Variants in SEMA5A observed in about 807,000 individuals in gnomAD.
SEMA5A encodes semaphorin 5A.
Under a neutral mutation model 135.5 loss-of-function variants are expected in SEMA5A, and 55 were observed. The observed-to-expected ratio is 0.41, with a 90% CI of 0.33 to 0.51. The LOEUF (loss-of-function observed/expected upper bound fraction) is 0.51. Ranked by LOEUF, SEMA5A falls within the 20% of genes least tolerant of loss-of-function variation. The pLI, the probability that SEMA5A is intolerant of heterozygous loss-of-function variation, is 0.37. For missense variants in SEMA5A, 1,290 were observed against 1,419.9 expected (o/e 0.91, Z 1.47); for synonymous variants, 580 against 546.5 (o/e 1.06, Z -0.85).
intron 1 of SEMA5A, among the ~76,000 whole-genome samples, chr5:9,495,476 A>G (rs764819565): frequency 1.2e-4 from 19 of 152,206 alleles, no homozygotes; most frequent in Admixed American, 1.3e-4. Context: ...GTTTAGAAAT[A>G]GAATCTGTGC....
At chr5:9,406,911 G>C (rs1348104985) in intron 2 of SEMA5A, among the ~76,000 whole-genome samples, 1 of 152,210 alleles carries the variant, frequency 6.6e-6, no homozygotes, top group East Asian at 1.9e-4. Flanking sequence ...GGAAAATTAA[G>C]AGATTCTAGA....
At chr5:9,454,346 G>T (rs1231695736) in intron 1 of SEMA5A, among the ~76,000 whole-genome samples, 3 of 152,150 alleles carry the variant, frequency 2.0e-5, no homozygotes, top group East Asian at 3.9e-4. Context: ...AGAGCTGATT[G>T]TGTCTCATTA....
At chr5:9,119,165 T>C in intron 14 of SEMA5A, 24 bp from the exon 15 acceptor site, 2 of 1,610,100 alleles carry the variant, frequency 1.2e-6, no homozygotes, top group South Asian at 1.1e-5. Context: ...AGCAATGCAA[T>C]CATTAGGTCC....
chr5:9,296,610 T>C (rs1306889825), intron 5 of SEMA5A, among the ~76,000 whole-genome samples: 1 of 152,176 alleles, frequency 6.6e-6, no homozygotes, highest in Non-Finnish European at 1.5e-5. Context: ...ACCTTTATGC[T>C]CAAGCTTAAT....
At chr5:9,271,002 C>T (rs957425003) in intron 5 of SEMA5A, among the ~76,000 whole-genome samples, 8 of 151,998 alleles carry the variant, frequency 5.3e-5, no homozygotes, top group Non-Finnish European at 7.4e-5. Flanking sequence ...GAACTTGATA[C>T]GGTTTTGTTC....
At chr5:9,525,580 T>A (rs141186771) in intron 1 of SEMA5A, among the ~76,000 whole-genome samples, 2 of 152,358 alleles carry the variant, frequency 1.3e-5, no homozygotes, top group East Asian at 3.9e-4. Context: ...GGAGCACTTG[T>A]CTCTCGGAGC....
At chr5:9,125,352 G>A (rs1741050054) in intron 13 of SEMA5A, among the ~76,000 whole-genome samples, 1 of 152,180 alleles carries the variant, frequency 6.6e-6, no homozygotes, top group Non-Finnish European at 1.5e-5. Context: ...TTTACTTTAA[G>A]TTCTGGGACA....
At chr5:9,496,658 T>G (rs1336235815) in intron 1 of SEMA5A, among the ~76,000 whole-genome samples, 1 of 151,680 alleles carries the variant, frequency 6.6e-6, no homozygotes, top group African/African-American at 2.4e-5. Flanking sequence ...AAATTCAGAG[T>G]TGTTGGAACT....
chr5:9,274,918 A>G (rs1406788205), intron 5 of SEMA5A, among the ~76,000 whole-genome samples: 1 of 152,170 alleles, frequency 6.6e-6, no homozygotes, highest in Non-Finnish European at 1.5e-5. Flanking sequence ...CAAAATTAAT[A>G]GAACTAGAGA....
At chr5:9,293,166 C>T (rs909667995) in intron 5 of SEMA5A, among the ~76,000 whole-genome samples, 3 of 151,778 alleles carry the variant, frequency 2.0e-5, no homozygotes, top group South Asian at 2.1e-4. Context: ...TCAACTGGAA[C>T]GTGAGCTGCT....
chr5:9,355,204 G>A (rs982452331), intron 3 of SEMA5A, among the ~76,000 whole-genome samples: 1 of 151,584 alleles, frequency 6.6e-6, no homozygotes, highest in Non-Finnish European at 1.5e-5. Context: ...ACAAGTGGGA[G>A]GCTGATTCAG....
intron 12 of SEMA5A, among the ~76,000 whole-genome samples, chr5:9,152,570 G>C (rs1560966276): frequency 1.3e-5 from 2 of 152,272 alleles, no homozygotes; most frequent in South Asian, 2.1e-4. Context: ...TTTCAAAGGA[G>C]ACATTAAAGA....
At chr5:9,124,528 C>T (rs1307538088) in intron 13 of SEMA5A, among the ~76,000 whole-genome samples, 1 of 152,140 alleles carries the variant, frequency 6.6e-6, no homozygotes, top group African/African-American at 2.4e-5. Context: ...GTGATCTTGG[C>T]TCACTGCAAC....
At chr5:9,423,820 G>C (rs547761242) in intron 2 of SEMA5A, among the ~76,000 whole-genome samples, 2 of 152,262 alleles carry the variant, frequency 1.3e-5, no homozygotes, top group South Asian at 4.1e-4. Flanking sequence ...AGAGCCTCTC[G>C]CCCAACACAT....
intron 8 of SEMA5A, among the ~76,000 whole-genome samples, chr5:9,208,834 A>T (rs1746189910): frequency 6.6e-6 from 1 of 152,096 alleles, no homozygotes; most frequent in African/African-American, 2.4e-5. Context: ...GTGGTGTGGG[A>T]TGGGGTAGGA....
At chr5:9,292,976 C>T (rs929851974) in intron 5 of SEMA5A, among the ~76,000 whole-genome samples, 2 of 152,196 alleles carry the variant, frequency 1.3e-5, no homozygotes, top group African/African-American at 2.4e-5. Context: ...TGTGCAGGTG[C>T]AGAAACCCTG....
chr5:9,345,250 CA>C (rs1482489316), intron 3 of SEMA5A, among the ~76,000 whole-genome samples: 11 of 152,102 alleles, frequency 7.2e-5, no homozygotes, highest in African/African-American at 2.7e-4. Context: ...GGAAAAATAT[CA>C]AACATGTTTC....
chr5:9,332,876 C>T (rs866546895), intron 4 of SEMA5A, among the ~76,000 whole-genome samples: 1 of 152,186 alleles, frequency 6.6e-6, no homozygotes, highest in Non-Finnish European at 1.5e-5. Flanking sequence ...TTACCTGATC[C>T]AAGTATTGGG....
intron 4 of SEMA5A, among the ~76,000 whole-genome samples, chr5:9,319,928 G>A (rs1277946929): frequency 6.6e-6 from 1 of 152,128 alleles, no homozygotes; most frequent in Non-Finnish European, 1.5e-5. Flanking sequence ...AGATGACCAA[G>A]AAACATCCCT....
Sources: allele counts gnomAD v4.1 joint callset (sites outside exome capture counted in the v4.1 genomes callset), GRCh38; gene constraint gnomAD v4.1.1; transcripts MANE v1.5; gene names NCBI Gene and HGNC (gene_info 2026-07-23, HGNC 2026-07-21).